Variants in UMODL1 observed in about 807,000 individuals in gnomAD.
UMODL1 encodes uromodulin like 1, also known as uromodulin-like 1.
UMODL1 carries 128 observed loss-of-function variants against 136.3 expected under a neutral mutation model. The ratio of observed to expected loss-of-function variants is 0.94; its 90% confidence interval spans 0.81 to 1.09. The LOEUF (loss-of-function observed/expected upper bound fraction) is 1.09. Ranked by LOEUF, UMODL1 falls within the 50% of genes least tolerant of loss-of-function variation. The pLI is 0.00. For missense variants in UMODL1, 1,766 were observed against 1,725.6 expected, an observed-to-expected ratio of 1.02 and a Z score of -0.41; for synonymous variants, 721 against 720.0, an observed-to-expected ratio of 1.00 and a Z score of -0.02.
chr21:42,117,983 A>C (rs2839468), intron 14 of UMODL1, among the ~76,000 whole-genome samples: 66,809 of 151,934 alleles, frequency 0.44, 14,774 homozygotes, highest in Middle Eastern at 0.49. Flanking sequence ...TAATTATACA[A>C]CTTAATCACA....
chr21:42,140,249 G>A (rs2067261184), intron 22 of UMODL1, among the ~76,000 whole-genome samples: 1 of 152,066 alleles, frequency 6.6e-6, no homozygotes, highest in South Asian at 2.1e-4. Flanking sequence ...AGGTTGTGCT[G>A]TTATTAGCAT....
intron 5 of UMODL1, 96 bp downstream of exon 5, chr21:42,088,576 G>T: frequency 7.9e-7 from 1 of 1,273,296 alleles, no homozygotes; most frequent in South Asian, 1.5e-5. Flanking sequence ...CCAGTCCTTT[G>T]TCTTTTAAAG....
Position 42,123,889 on chromosome 21 carries a change from G to T in UMODL1, c.3147+739G>T, listed in dbSNP as rs552323535. Among the ~76,000 whole-genome samples the T allele has an allele frequency of 6.6e-6, 1 of 152,208 alleles. No homozygotes were observed. Among genetic ancestry groups the T allele is most frequent in the Non-Finnish European group, 1.5e-5 (1 of 68,038 alleles). ...TCCTAGCGAACATTCTCTATTTCAG[G>T]GTCCTGGATGGGCTGTGGGGCTCCC... On this transcript the variant is annotated intron_variant, in intron 17 of 22. Coordinates refer to ENST00000408910, the MANE Select transcript of UMODL1 (RefSeq NM_001004416.3). This position sits in a 1 kb window ranked among gnomAD's most constrained non-coding sequence, Gnocchi z 4.4.
chr21:42,101,991 T>A, intron 7 of UMODL1, 175 bp from the exon 8 acceptor site: 1 of 542,444 alleles, frequency 1.8e-6, no homozygotes, highest in Non-Finnish European at 3.3e-6. Flanking sequence ...AAAGTGTTTG[T>A]TTATTCTCTC....
intron 8 of UMODL1, chr21:42,103,063 C>T (rs1487526216): frequency 6.3e-6 from 1 of 157,692 alleles, no homozygotes; most frequent in African/African-American, 2.4e-5. Flanking sequence ...CAAGCACTGG[C>T]TCCAGAAGGA....
intron 8 of UMODL1, 130 bp downstream of exon 8, chr21:42,102,408 G>T: frequency 1.5e-6 from 1 of 683,654 alleles, no homozygotes; most frequent in East Asian, 2.8e-5. Flanking sequence ...GCAGCTTCAG[G>T]GGAGGCCAAA....
chr21:42,081,382 G>T (rs2066360261), intron 2 of UMODL1, among the ~76,000 whole-genome samples: 1 of 152,202 alleles, frequency 6.6e-6, no homozygotes, highest in African/African-American at 2.4e-5. Context: ...TAGCAGTGTT[G>T]CCAGGAGCTG....
In UMODL1 at chr21:42,123,657, C is replaced by T. The variant is rs1047307661; in HGVS notation, c.3147+507C>T. On this transcript the variant is annotated intron_variant, in intron 17 of 22. Transcript: ENST00000408910. This position sits in a 1 kb window ranked among gnomAD's most constrained non-coding sequence, Gnocchi z 4.4. ...CGTGCGTGTGTGTGTGCATGTGTAT[C>T]GCGTGCTTGTGTGCGTGTGGGTGTG... 7.9e-5 allele frequency among the ~76,000 whole-genome samples: 12 copies of T among 151,500 alleles called. No homozygotes were observed. Among genetic ancestry groups the T allele is most frequent in the African/African-American group, 2.7e-4 (11 of 41,146 alleles).
In UMODL1 at chr21:42,090,494, G is replaced by A. The variant is rs151022867; in HGVS notation, c.931+56G>A. ...GAATGGCTTAATTCCTGTTTGCCCC[G>A]GGAATACTCACCAGCAGTGCTTACA... is the stretch of plus-strand genomic sequence containing the variant. On this transcript the variant is annotated intron_variant, in intron 6 of 22. Coordinates refer to ENST00000408910, the MANE Select transcript of UMODL1 (RefSeq NM_001004416.3). 3.2e-5 allele frequency: 51 copies of A among 1,595,958 alleles called. No individual in the cohort carries two copies. In the African/African-American group the frequency reaches 4.0e-4, roughly 13 times the overall value.
intron 1 of UMODL1, among the ~76,000 whole-genome samples, chr21:42,066,056 T>C (rs987253176): frequency 2.0e-5 from 3 of 152,240 alleles, no homozygotes; most frequent in African/African-American, 7.2e-5. Context: ...GTGGTGCTAA[T>C]GCGGTTATCA....
chr21:42,098,154 G>A (rs1055472345), intron 6 of UMODL1, among the ~76,000 whole-genome samples: 3 of 149,414 alleles, frequency 2.0e-5, no homozygotes, highest in Non-Finnish European at 4.5e-5. Context: ...TTTTCTGTAC[G>A]ATGACTGTAT....
rs1386967832 is a variant in UMODL1, at chr21:42,084,259, G to A, written c.481+14G>A. On this transcript the variant is annotated intron_variant, in intron 3 of 22. Coordinates refer to ENST00000408910, the MANE Select transcript of UMODL1 (RefSeq NM_001004416.3). Reference sequence around the variant, plus strand: ...CTGCACCCCAAGGTAGGCTGCTGCGGGCCATGCTTATGGACAGGCAGCAAA... The same window carrying A: ...CTGCACCCCAAGGTAGGCTGCTGCGAGCCATGCTTATGGACAGGCAGCAAA... The A allele has an allele frequency of 1.2e-5, 20 of 1,612,442 alleles. No individual in the cohort carries two copies. The highest frequency in any genetic ancestry group is 1.5e-5 in the Non-Finnish European group (18 of 1,179,666).
chr21:42,079,744 G>T (rs1238407757), intron 2 of UMODL1, among the ~76,000 whole-genome samples: 1 of 152,234 alleles, frequency 6.6e-6, no homozygotes, highest in Non-Finnish European at 1.5e-5. Context: ...GCTAGGGGAG[G>T]CCCGCGCCTC....
intron 1 of UMODL1, among the ~76,000 whole-genome samples, chr21:42,075,087 A>G (rs1200779686): frequency 6.6e-6 from 1 of 151,806 alleles, no homozygotes; most frequent in Non-Finnish European, 1.5e-5. Flanking sequence ...TTTAGTAGAG[A>G]GGGGCTTTCA....
chr21:42,122,245 G>A lies in UMODL1; in HGVS notation c.2828-586G>A, dbSNP rs904377610. Among the ~76,000 whole-genome samples the A allele has an allele frequency of 2.0e-5, 3 of 152,274 alleles. No individual in the cohort carries two copies. Among genetic ancestry groups the A allele is most frequent in the Non-Finnish European group, 2.9e-5 (2 of 68,012 alleles). On this transcript the variant is annotated intron_variant, in intron 16 of 22. Coordinates refer to ENST00000408910, the MANE Select transcript of UMODL1 (RefSeq NM_001004416.3). The surrounding 1 kb of genome is among the most constrained non-coding windows in gnomAD (Gnocchi z 4.3). ...GGTCTGCTTCCATATAGACCACCCCGAGAACAGGTGGGTGGATTGGAAAGC... is the reference window on the plus strand; with the variant it reads ...GGTCTGCTTCCATATAGACCACCCCAAGAACAGGTGGGTGGATTGGAAAGC...
At chr21:42,120,443 C>T (rs1178529284) in intron 15 of UMODL1, 2 of 152,234 alleles carry the variant, frequency 1.3e-5, no homozygotes, top group Non-Finnish European at 2.9e-5. Context: ...ACCAATCATC[C>T]AGTAACAAAG....
At chr21:42,140,162 G>A (rs1414940502) in intron 22 of UMODL1, among the ~76,000 whole-genome samples, 1 of 152,206 alleles carries the variant, frequency 6.6e-6, no homozygotes, top group Non-Finnish European at 1.5e-5. Flanking sequence ...GATGGGCTGG[G>A]CTGGAGAAGC....
At chr21:42,133,369 C>T (rs886628256) in intron 21 of UMODL1, among the ~76,000 whole-genome samples, 1 of 152,230 alleles carries the variant, frequency 6.6e-6, no homozygotes, top group African/African-American at 2.4e-5. Context: ...GCTCACACAG[C>T]TGGTACCTGC....
At chr21:42,108,647 A>T in intron 9 of UMODL1, 1 of 324,980 alleles carries the variant, frequency 3.1e-6, no homozygotes, top group Non-Finnish European at 6.1e-6. Context: ...AAGCACGCGC[A>T]GAAGGCACTG....
Sources: gnomAD v4.1 joint callset for allele counts (sites outside exome capture counted in the v4.1 genomes callset) on GRCh38, gnomAD v4.1.1 for gene constraint, Gnocchi (gnomAD v3.1) non-coding constraint, MANE v1.5 for transcripts, NCBI Gene and HGNC (gene_info 2026-07-23, HGNC 2026-07-21) for gene names.